The following SSRP1 variants were observed in gnomAD, a reference collection of about 807,000 sequenced individuals.
SSRP1 encodes the protein FACT complex subunit SSRP1.
SSRP1 carries 21 observed loss-of-function variants against 84.4 expected under a neutral mutation model. That is an observed-to-expected ratio of 0.25 (90% CI 0.18 to 0.36). The LOEUF (loss-of-function observed/expected upper bound fraction) is 0.36. Ranked by LOEUF, SSRP1 falls within the 10% of genes least tolerant of loss-of-function variation. SSRP1 has a pLI of 1.00. For synonymous variants in SSRP1, 319 were observed against 318.3 expected (o/e 1.00, Z -0.02); for missense variants, 519 against 900.8 (o/e 0.58, Z 5.43).
intron 12 of SSRP1, 140 bp from the exon 13 acceptor site, chr11:57,328,566 T>C: frequency 1.7e-6 from 2 of 1,181,922 alleles, no homozygotes; most frequent in South Asian, 3.2e-5. Flanking sequence ...CCACCACCAA[T>C]CCCCAACACT....
intron 15 of SSRP1, 132 bp from the exon 16 acceptor site, chr11:57,327,021 G>T: frequency 1.4e-6 from 2 of 1,429,858 alleles, no homozygotes; most frequent in Non-Finnish European, 1.8e-6. Context: ...GTAAATAGCT[G>T]CGTCAGCCTG....
chr11:57,333,583 T>C, intron 3 of SSRP1, 43 bp from the exon 4 acceptor site: 1 of 1,432,636 alleles, frequency 7.0e-7, no homozygotes. Flanking sequence ...TAAACCTTGG[T>C]GGCCTTAACA....
chr11:57,334,489 A>G lies in SSRP1; in HGVS notation c.214T>C (p.Tyr72His). ...GATTCTCGGAAGCCATCATACTTGT[A>G]GACATGGCCATTCTTTGTAAGCAGT... ...LKLLTKNGHV[Y>H]KYDGFRESEF... Residue 72 changes from tyrosine (Y) to histidine (H), a missense_variant, in exon 3 of 17, where the codon TAC becomes CAC. Coordinates refer to ENST00000278412, the MANE Select transcript of SSRP1 (RefSeq NM_003146.3). The G allele has an allele frequency of 6.2e-7, 1 of 1,614,256 alleles. No homozygotes were observed. Among genetic ancestry groups the G allele is most frequent in the Non-Finnish European group, 8.5e-7 (1 of 1,180,052 alleles).
At position 57,330,198 on chromosome 11, in the gene SSRP1, C is replaced by T; in HGVS notation, c.1436-60G>A. 1.9e-6 allele frequency: 3 copies of T among 1,614,186 alleles called. No homozygotes were observed. The highest frequency in any genetic ancestry group is 2.5e-6 in the Non-Finnish European group (3 of 1,180,018). On this transcript the variant is annotated intron_variant, in intron 11 of 16. Transcript: ENST00000278412. This position sits in a 1 kb window ranked among gnomAD's most constrained non-coding sequence, Gnocchi z 4.0. ...CCAATGGAAATCCCCCCACCTCACC[C>T]AGGCACCCAGCTCTGGCCCAAGGGT... is the stretch of plus-strand genomic sequence containing the variant.
At position 57,330,434 on chromosome 11, in the gene SSRP1, C is replaced by T. The variant is rs776356639; in HGVS notation, c.1297-5G>A. The T allele has an allele frequency of 3.5e-5, 56 of 1,613,718 alleles. No homozygotes were observed. Among genetic ancestry groups the T allele is most frequent in the Non-Finnish European group, 4.7e-5 (56 of 1,180,004 alleles). On this transcript the variant is annotated splice_region_variant and splice_polypyrimidine_tract_variant and intron_variant, in intron 10 of 16. Coordinates refer to ENST00000278412, the MANE Select transcript of SSRP1 (RefSeq NM_003146.3). This position sits in a 1 kb window ranked among gnomAD's most constrained non-coding sequence, Gnocchi z 4.0. The stretch of plus-strand genomic sequence containing the variant: ...ATCGTAGCTTGGGTTCATGCCCTAG[C>T]CAGGGAAGAGTTCACGGTGGGGCCA...
At chr11:57,328,663 T>A in intron 12 of SSRP1, 1 of 490,146 alleles carries the variant, frequency 2.0e-6, no homozygotes, top group Non-Finnish European at 3.5e-6. Flanking sequence ...AATTAATGAA[T>A]GAAAAACAAA....
chr11:57,332,075 T>C lies in SSRP1; in HGVS notation c.1001+77A>G, dbSNP rs551776566. Reference sequence around the variant, plus strand: ...AGGCCTCTAGGAGGCCGCATTCCCATCTCAGGAAGGGTTTACCAAGGAGAC... The same window carrying C: ...AGGCCTCTAGGAGGCCGCATTCCCACCTCAGGAAGGGTTTACCAAGGAGAC... On this transcript the variant is annotated intron_variant, in intron 8 of 16. Coordinates refer to ENST00000278412, the MANE Select transcript of SSRP1 (RefSeq NM_003146.3). The surrounding 1 kb of genome is among the most constrained non-coding windows in gnomAD (Gnocchi z 5.5). 1 of 1,602,336 alleles carries C rather than the reference T, an allele frequency of 6.2e-7. No individual in the cohort carries two copies. The highest frequency in any genetic ancestry group is 8.5e-7 in the Non-Finnish European group (1 of 1,175,438).
In SSRP1 at chr11:57,334,430, A is replaced by T. The variant is rs564003843; in HGVS notation, c.240+33T>A. 3.4e-5 allele frequency: 54 copies of T among 1,603,466 alleles called. 1 individual carries two copies. In the East Asian group the frequency reaches 9.8e-4, roughly 29 times the overall value. On this transcript the variant is annotated intron_variant, in intron 3 of 16. Transcript: ENST00000278412. ...GAAGATTAAAATAAGAAGATGCAGT[A>T]AAAAGGAGGCTTATAGCCATGGGAC...
chr11:57,331,905 G>A lies in SSRP1; in HGVS notation c.1002-16C>T. On this transcript the variant is annotated splice_polypyrimidine_tract_variant and intron_variant, in intron 8 of 16. Transcript: ENST00000278412. ...CCCTGAGTGCCTGACAGAGGGTGCA[G>A]GGAGCCTGGTTAGTGCCAACCTCAG... is the stretch of plus-strand genomic sequence containing the variant. 4 of 1,603,976 alleles carry A rather than the reference G, an allele frequency of 2.5e-6. No homozygotes were observed. The highest frequency in any genetic ancestry group is 3.4e-6 in the Non-Finnish European group (4 of 1,175,166).
intron 8 of SSRP1, 47 bp from the exon 9 acceptor site, chr11:57,331,936 G>T (rs1856100129): frequency 6.4e-7 from 1 of 1,559,802 alleles, no homozygotes; most frequent in Admixed American, 1.8e-5. Flanking sequence ...CTCAGCAGAG[G>T]CAAAGGGCGT....
Position 57,332,602 on chromosome 11 carries a change from C to G in SSRP1, c.768+23G>C, listed in dbSNP as rs777205493. On this transcript the variant is annotated intron_variant, in intron 6 of 16. Coordinates refer to ENST00000278412, the MANE Select transcript of SSRP1 (RefSeq NM_003146.3). The surrounding 1 kb of genome is among the most constrained non-coding windows in gnomAD (Gnocchi z 5.5). ...CACTTAGGCAAAAACCAGGATTATC[C>G]GGCCATAGGGGTTTCTGCTTACCAC... 4 of 1,605,844 alleles carry G rather than the reference C, an allele frequency of 2.5e-6. No individual in the cohort carries two copies. Among genetic ancestry groups the G allele is most frequent in the East Asian group, 2.2e-5 (1 of 44,734 alleles).
At position 57,331,007 on chromosome 11, in the gene SSRP1, G is replaced by GCCC; in HGVS notation, c.1224-81_1224-80insGGG. 4.0e-6 allele frequency: 6 copies of GCCC among 1,507,666 alleles called. No individual in the cohort carries two copies. In the South Asian group the frequency reaches 6.8e-5, roughly 17 times the overall value. The allele number at this position is 1,507,666 out of a possible 1,614,324, so 93.4% of individuals were successfully genotyped here. ...ACTAAACAATGTTCTGATTCCATGAGCTGGGGTAGACTGTGGAGCCTGGAG... is the reference window on the plus strand; with the variant it reads ...ACTAAACAATGTTCTGATTCCATGAGCCCCTGGGGTAGACTGTGGAGCCTGGAG... On this transcript the variant is annotated intron_variant, in intron 9 of 16. Coordinates refer to ENST00000278412, the MANE Select transcript of SSRP1 (RefSeq NM_003146.3).
chr11:57,334,706 ACAGCTCTAC>A, intron 2 of SSRP1, 58 bp from the exon 3 acceptor site: 1 of 1,583,076 alleles, frequency 6.3e-7, no homozygotes, highest in Non-Finnish European at 8.6e-7. Context: ...CCTGGGTTCT[ACAGCTCTAC>A]CTAACACACA....
At position 57,335,003 on chromosome 11, in the gene SSRP1, A is replaced by C; in HGVS notation, c.54+65T>G. 6.3e-7 allele frequency: 1 copy of C among 1,580,166 alleles called. No individual in the cohort carries two copies. Among genetic ancestry groups the C allele is most frequent in the Non-Finnish European group, 8.7e-7 (1 of 1,149,668 alleles). On this transcript the variant is annotated intron_variant, in intron 2 of 16. Transcript: ENST00000278412. This position sits in a 1 kb window ranked among gnomAD's most constrained non-coding sequence, Gnocchi z 4.6. ...AACGTTACCAAAGCAAGCTCTCATT[A>C]ATGGACAAAAACTCTACCCTCCTTC...
chr11:57,335,146 G>A lies in SSRP1; in HGVS notation c.-25C>T. Reference sequence around the variant, plus strand: ...TGTCGACCCCTGCCTGTGGTGGCCTGGGCAGAGCCCCAGGCTGCACAAGGG... The same window carrying A: ...TGTCGACCCCTGCCTGTGGTGGCCTAGGCAGAGCCCCAGGCTGCACAAGGG... On this transcript the variant is annotated 5_prime_UTR_variant, in exon 2 of 17. Coordinates refer to ENST00000278412, the MANE Select transcript of SSRP1 (RefSeq NM_003146.3). This position sits in a 1 kb window ranked among gnomAD's most constrained non-coding sequence, Gnocchi z 4.6. 6.2e-7 allele frequency: 1 copy of A among 1,613,894 alleles called. No individual in the cohort carries two copies. Among genetic ancestry groups the A allele is most frequent in the South Asian group, 1.1e-5 (1 of 91,038 alleles).
rs969680639 is a variant in SSRP1 at position 57,332,560 on chromosome 11, G to A, written c.768+65C>T. The stretch of plus-strand genomic sequence containing the variant: ...CCAACGTAGAATTCTGCACACCAGT[G>A]AGATCCATCTACTTAACACTTAGGC... On this transcript the variant is annotated intron_variant, in intron 6 of 16. Coordinates refer to ENST00000278412, the MANE Select transcript of SSRP1 (RefSeq NM_003146.3). The surrounding 1 kb of genome is among the most constrained non-coding windows in gnomAD (Gnocchi z 5.5). The A allele has an allele frequency of 7.0e-5, 113 of 1,603,666 alleles. No individual in the cohort carries two copies. The highest frequency in any genetic ancestry group is 9.5e-5 in the Non-Finnish European group (111 of 1,171,510).
rs571663278 is a variant in SSRP1, at chr11:57,332,556, C to G, written c.768+69G>C. 1.2e-6 allele frequency: 2 copies of G among 1,603,616 alleles called. No individual in the cohort carries two copies. The highest frequency in any genetic ancestry group is 1.7e-6 in the Non-Finnish European group (2 of 1,171,476). ...TTAACCAACGTAGAATTCTGCACAC[C>G]AGTGAGATCCATCTACTTAACACTT... On this transcript the variant is annotated intron_variant, in intron 6 of 16. Coordinates refer to ENST00000278412, the MANE Select transcript of SSRP1 (RefSeq NM_003146.3). The surrounding 1 kb of genome is among the most constrained non-coding windows in gnomAD (Gnocchi z 5.5).
At position 57,330,124 on chromosome 11, in the gene SSRP1, G is replaced by C. The variant is rs1565052771; in HGVS notation, c.1450C>G (p.Pro484Ala). Residue 484 changes from proline to alanine, a missense_variant, in exon 12 of 17, where the codon CCA (proline) becomes GCA (alanine). Pro to Ala is a conservative substitution (Grantham distance 27). Coordinates refer to ENST00000278412, the MANE Select transcript of SSRP1 (RefSeq NM_003146.3). This position sits in a 1 kb window ranked among gnomAD's most constrained non-coding sequence, Gnocchi z 4.0. Reference sequence around the variant, plus strand: ...GCCACATCTTCCTCCTCTTCACCTGGGTTGAATGACTCATCTGAAAAAGGG... The same window carrying C: ...GCCACATCTTCCTCCTCTTCACCTGCGTTGAATGACTCATCTGAAAAAGGG... ...SGEETDESFN[P>A]GEEEEDVAEE... 1 of 1,614,052 alleles carries C rather than the reference G, an allele frequency of 6.2e-7. No individual in the cohort carries two copies. The highest frequency in any genetic ancestry group is 8.5e-7 in the Non-Finnish European group (1 of 1,180,016).
chr11:57,334,396 G>C (rs1590612293), intron 3 of SSRP1, 67 bp downstream of exon 3: 1 of 1,562,972 alleles, frequency 6.4e-7, no homozygotes, highest in East Asian at 2.2e-5. Context: ...AAGGAACCTC[G>C]AGTCTCTAGA....
Sources: allele counts gnomAD v4.1 joint callset, GRCh38; gene constraint gnomAD v4.1.1; non-coding constraint Gnocchi (gnomAD v3.1); transcripts MANE v1.5; gene names NCBI Gene and HGNC (gene_info 2026-07-23, HGNC 2026-07-21).